EED: variants seen among roughly 807,000 people sequenced by gnomAD.
EED encodes embryonic ectoderm development.
A neutral mutation model predicts 61.0 loss-of-function variants in EED; 9 were observed. That is an observed-to-expected ratio of 0.15 (90% CI 0.09 to 0.26). The LOEUF is 0.26. Ranked by LOEUF, EED falls within the 10% of genes least tolerant of loss-of-function variation. The pLI, the probability that EED is intolerant of heterozygous loss-of-function variation, is 1.00. For missense variants in EED, 315 were observed against 542.3 expected (o/e 0.58, Z 4.16); for synonymous variants, 187 against 174.4 (o/e 1.07, Z -0.57).
intron 7 of EED, chr11:86,265,618 A>T (rs1945955271): frequency 6.6e-6 from 1 of 152,212 alleles, no homozygotes; most frequent in South Asian, 2.1e-4. Flanking sequence ...TAACTTCAAA[A>T]TATTTTGACT....
chr11:86,270,925 T>G (rs190004630), intron 9 of EED, among the ~76,000 whole-genome samples: 16 of 152,342 alleles, frequency 1.1e-4, no homozygotes, highest in African/African-American at 3.8e-4. Context: ...ATTGTAGCTC[T>G]ATAATTATTC....
At chr11:86,279,180 C>T (rs1176929944), downstream of EED, among the ~76,000 whole-genome samples, 2 of 152,030 alleles carry the variant, frequency 1.3e-5, no homozygotes, top group African/African-American at 2.4e-5. Flanking sequence ...GAGTTAGAAC[C>T]TCTGATAATG....
chr11:86,260,410 G>A (rs1945796899), intron 6 of EED, among the ~76,000 whole-genome samples: 1 of 141,706 alleles, frequency 7.1e-6, no homozygotes, highest in Admixed American at 7.1e-5. Context: ...AAAATTTTTT[G>A]TAGAGATACG....
At chr11:86,257,472 G>T in intron 5 of EED, 43 bp from the exon 6 acceptor site, 1 of 1,487,000 alleles carries the variant, frequency 6.7e-7, no homozygotes, top group South Asian at 1.3e-5. Flanking sequence ...AAAATTTACT[G>T]ATTTTGAGAT....
Position 86,245,237 on chromosome 11 carries a change from A to G in EED, c.8A>G (p.Glu3Gly), listed in dbSNP as rs772576166. Residue 3 changes from glutamate to glycine, a missense_variant, in exon 1 of 12, where the codon GAG (glutamate) becomes GGG (glycine). By Grantham distance (98) the Glu-to-Gly change is moderately conservative. This residue lies in a region of EED where 110 missense variants were observed against 86.9 expected (regional missense o/e 1.27). Transcript: ENST00000263360. Reference protein sequence around the residue: MSEREVSTAPAGT... With the variant: MSGREVSTAPAGT... Reference sequence around the variant, plus strand: ...GGAGGGAGGCGGAGGAATATGTCCGAGAGGGAAGTGTCGACTGCGCCGGCG... The same window carrying G: ...GGAGGGAGGCGGAGGAATATGTCCGGGAGGGAAGTGTCGACTGCGCCGGCG... 9 of 1,612,712 alleles carry G rather than the reference A, an allele frequency of 5.6e-6. No individual in the cohort carries two copies. In the Admixed American group the frequency reaches 6.7e-5, roughly 12 times the overall value.
At chr11:86,270,029 G>A (rs1946075530) in intron 9 of EED, 1 of 661,026 alleles carries the variant, frequency 1.5e-6, no homozygotes, top group Non-Finnish European at 2.8e-6. Flanking sequence ...GGCAATTGCT[G>A]GGTTGTGGTT....
At chr11:86,264,148 C>G (rs745402003) in intron 6 of EED, 24 bp from the exon 7 acceptor site, 2 of 1,567,278 alleles carry the variant, frequency 1.3e-6, no homozygotes, top group African/African-American at 1.4e-5. Context: ...AAACATTCGC[C>G]TAATTTTTGT....
chr11:86,251,819 C>T (rs1441846763), intron 2 of EED, among the ~76,000 whole-genome samples: 1 of 152,132 alleles, frequency 6.6e-6, no homozygotes, highest in African/African-American at 2.4e-5. Context: ...TTTGTATCCA[C>T]CAAAATTATC....
chr11:86,280,599 G>A (rs1946311605), downstream of EED, among the ~76,000 whole-genome samples: 1 of 152,166 alleles, frequency 6.6e-6, no homozygotes, highest in Non-Finnish European at 1.5e-5. Flanking sequence ...CTTAGAAGTT[G>A]TATCAGGAAA....
chr11:86,257,037 C>CTT (rs111712382), intron 5 of EED, among the ~76,000 whole-genome samples: 1 of 145,420 alleles, frequency 6.9e-6, no homozygotes, highest in Admixed American at 6.9e-5. Flanking sequence ...TTTTGAGCAT[C>CTT]TTTTTTTTTT....
downstream of EED, among the ~76,000 whole-genome samples, chr11:86,282,981 A>C (rs1280387253): frequency 1.3e-5 from 2 of 152,104 alleles, no homozygotes; most frequent in African/African-American, 4.8e-5. Context: ...AATACAAAAA[A>C]AAATTAGCCA....
downstream of EED, among the ~76,000 whole-genome samples, chr11:86,281,507 G>A (rs1946322752): frequency 6.6e-6 from 1 of 152,130 alleles, no homozygotes; most frequent in African/African-American, 2.4e-5. Flanking sequence ...TCCTTGAGGT[G>A]TTGAGGTTTA....
Position 86,245,255 on chromosome 11 carries a change from C to A in EED, c.26C>A (p.Ala9Glu), listed in dbSNP as rs751356706. MSEREVST[A>E]PAGTDMPAAK... ...ATGTCCGAGAGGGAAGTGTCGACTG[C>A]GCCGGCGGGAACAGACATGCCTGCG... The change falls in exon 1 of 12, where the codon GCG becomes GAG. Residue 9 changes from alanine (A) to glutamate (E), a missense_variant. This residue lies in a region of EED where 110 missense variants were observed against 86.9 expected (regional missense o/e 1.27). Transcript: ENST00000263360. 2.5e-6 allele frequency: 4 copies of A among 1,612,948 alleles called. No individual in the cohort carries two copies. The highest frequency in any genetic ancestry group is 1.7e-4 in the Middle Eastern group (1 of 6,052).
intron 5 of EED, among the ~76,000 whole-genome samples, chr11:86,257,125 T>C (rs1159859116): frequency 1.3e-5 from 2 of 151,758 alleles, no homozygotes; most frequent in African/African-American, 2.4e-5. Context: ...GCAGCCCGTC[T>C]CCTGGGCTCA....
intron 9 of EED, among the ~76,000 whole-genome samples, chr11:86,272,037 A>G (rs776017347): frequency 5.6e-4 from 10 of 17,804 alleles, no homozygotes; most frequent in African/African-American, 1.5e-3. Flanking sequence ...TCCAGAAGAG[A>G]TTGTGCAAAA....
rs958656457 is a variant in EED, at chr11:86,262,336, G to C, written c.635-1836G>C. ...ATCACTGTGAATGCTTTGATGCTCA[G>C]ATATTTCTTCTGCCAGGTATTGGAT... is the stretch of plus-strand genomic sequence containing the variant. On this transcript the variant is annotated intron_variant, in intron 6 of 11. Transcript: ENST00000263360. 1.4e-4 allele frequency among the ~76,000 whole-genome samples: 22 copies of C among 152,348 alleles called. 1 individual carries two copies. Among genetic ancestry groups the C allele is most frequent in the Non-Finnish European group, 2.2e-4 (15 of 68,038 alleles).
At chr11:86,275,618 C>T (rs762178270) in intron 9 of EED, among the ~76,000 whole-genome samples, 4 of 152,284 alleles carry the variant, frequency 2.6e-5, no homozygotes, top group South Asian at 2.1e-4. Flanking sequence ...AATTCTTCAC[C>T]GGTGCAGTTA....
intron 5 of EED, among the ~76,000 whole-genome samples, chr11:86,257,196 TGTG>T (rs1593735692): frequency 6.7e-6 from 1 of 150,284 alleles, no homozygotes. Context: ...TGTGTGTGTG[TGTG>T]TGTGTGTGTG....
At chr11:86,274,468 C>G (rs967816874) in intron 9 of EED, among the ~76,000 whole-genome samples, 5 of 152,008 alleles carry the variant, frequency 3.3e-5, no homozygotes, top group Non-Finnish European at 5.9e-5. Context: ...GACTCTGGAC[C>G]TTATTTAGAT....
Sources: gnomAD v4.1 joint callset for allele counts (sites outside exome capture counted in the v4.1 genomes callset) on GRCh38, gnomAD v4.1.1 for gene constraint, gnomAD v4.1.1 regional missense constraint, MANE v1.5 for transcripts, NCBI Gene and HGNC (gene_info 2026-07-23, HGNC 2026-07-21) for gene names.